Variants in TCF12 observed in about 807,000 individuals in gnomAD.
The protein encoded by TCF12 is transcription factor 12.
Under a neutral mutation model 86.0 loss-of-function variants are expected in TCF12, and 45 were observed. That is an observed-to-expected ratio of 0.52 (90% CI 0.41 to 0.67). TCF12 has a LOEUF of 0.67. TCF12 is among the 30% of genes least tolerant of loss of function. The pLI is 0.00. For synonymous variants in TCF12, 330 were observed against 299.6 expected (o/e 1.10, Z -1.05); for missense variants, 881 against 859.9 (o/e 1.02, Z -0.31).
At chr15:57,056,116 GGTGTGT>G (rs137934114) in intron 3 of TCF12, among the ~76,000 whole-genome samples, 6,019 of 143,136 alleles carry the variant, frequency 0.042, 351 homozygotes, top group Admixed American at 0.17. Flanking sequence ...TAGTTTTAGG[GGTGTGT>G]GTGTGTGTGT....
At chr15:57,069,092 C>G (rs2069149514) in intron 4 of TCF12, among the ~76,000 whole-genome samples, 1 of 152,112 alleles carries the variant, frequency 6.6e-6, no homozygotes, top group African/African-American at 2.4e-5. Context: ...GTTAGCCAAC[C>G]TACGCCAAGC....
intron 5 of TCF12, among the ~76,000 whole-genome samples, chr15:57,117,251 G>T (rs12900038): frequency 0.35 from 53,701 of 151,744 alleles, 11,881 homozygotes; most frequent in Non-Finnish European, 0.49. Context: ...TCACTAGGTT[G>T]CCCAGGTTGG....
intron 5 of TCF12, among the ~76,000 whole-genome samples, chr15:57,158,266 C>T (rs1396003220): frequency 6.6e-6 from 1 of 150,574 alleles, no homozygotes; most frequent in Non-Finnish European, 1.5e-5. Flanking sequence ...GCAGCCTCGA[C>T]TTCCTGGGCT....
At chr15:57,125,492 C>T (rs1041892075) in intron 5 of TCF12, among the ~76,000 whole-genome samples, 3 of 152,172 alleles carry the variant, frequency 2.0e-5, no homozygotes. Context: ...TGATGAGACT[C>T]ATGAAATAAA....
chr15:57,082,432 A>G (rs981640012), intron 4 of TCF12, among the ~76,000 whole-genome samples: 1 of 152,186 alleles, frequency 6.6e-6, no homozygotes, highest in East Asian at 1.9e-4. Flanking sequence ...ACTTAAGATG[A>G]ACCGAAGAGG....
chr15:56,941,373 A>AAT (rs2060764916), intron 3 of TCF12, among the ~76,000 whole-genome samples: 3 of 143,148 alleles, frequency 2.1e-5, no homozygotes, highest in South Asian at 2.3e-4. Flanking sequence ...TCTCAAAAAA[A>AAT]TTTTTTTTTT....
At position 57,263,134 on chromosome 15, in the gene TCF12, A is replaced by T; in HGVS notation, c.1605A>T (p.Gly535=). The stretch of plus-strand genomic sequence containing the variant: ...TAGGTGGCTTGCAAAGTCAGTCTGG[A>T]ACTGTTGTTACAACAGAAATCAAGA... ...NYRGGLQSQS[G]TVVTTEIKTE... Residue 535 remains glycine, a synonymous_variant, in exon 18 of 21, where the codon GGA becomes GGT. Transcript: ENST00000333725. 1 of 1,610,578 alleles carries T rather than the reference A, an allele frequency of 6.2e-7. No individual in the cohort carries two copies. Among genetic ancestry groups the T allele is most frequent in the Non-Finnish European group, 8.5e-7 (1 of 1,179,170 alleles).
At chr15:56,980,113 T>G (rs1346484453) in intron 3 of TCF12, among the ~76,000 whole-genome samples, 2 of 152,086 alleles carry the variant, frequency 1.3e-5, no homozygotes, top group Non-Finnish European at 2.9e-5. Context: ...AATCCCAACA[T>G]TTTGGGAGGC....
chr15:57,202,729 C>T (rs1289068041), intron 8 of TCF12, among the ~76,000 whole-genome samples: 1 of 149,722 alleles, frequency 6.7e-6, no homozygotes, highest in African/African-American at 2.5e-5. Flanking sequence ...GCCACCACAC[C>T]CGGTCTGCCC....
intron 12 of TCF12, among the ~76,000 whole-genome samples, chr15:57,237,146 A>AGTGTGTGT (rs202142819): frequency 7.6e-4 from 115 of 150,372 alleles, no homozygotes; most frequent in Middle Eastern, 3.5e-3. Context: ...AGAGAGAGAG[A>AGTGTGTGT]GAGTGTGTGT....
chr15:57,141,001 G>A (rs1245029831), intron 5 of TCF12, among the ~76,000 whole-genome samples: 2 of 151,978 alleles, frequency 1.3e-5, no homozygotes, highest in African/African-American at 4.8e-5. Context: ...ATCTCTGGTA[G>A]GTCTTTATGA....
At chr15:57,007,852 CCCTTCCTTCCTTCCTTCCTT>C (rs60825721) in intron 3 of TCF12, among the ~76,000 whole-genome samples, 11,824 of 101,160 alleles carry the variant, frequency 0.12, 783 homozygotes, top group African/African-American at 0.15. Flanking sequence ...CTCTTTCCCT[CCCTTCCTTCCTTCCTTCCTT>C]CCTTCCTTCC....
intron 4 of TCF12, among the ~76,000 whole-genome samples, chr15:57,076,638 CAAA>C (rs201622891): frequency 1.7e-5 from 2 of 118,798 alleles, no homozygotes; most frequent in Non-Finnish European, 1.8e-5. Flanking sequence ...GGCTCTGTCT[CAAA>C]AAAAAAAAAA....
At chr15:57,290,341 CAAAAA>C (rs149851542), downstream of TCF12, among the ~76,000 whole-genome samples, 5 of 103,086 alleles carry the variant, frequency 4.9e-5, no homozygotes, top group Admixed American at 1.0e-4. Context: ...AAAACTGTCT[CAAAAA>C]AAAAAAAAAA....
At chr15:57,182,500 A>G (rs980319230) in intron 6 of TCF12, among the ~76,000 whole-genome samples, 13 of 152,082 alleles carry the variant, frequency 8.5e-5, no homozygotes, top group African/African-American at 2.9e-4. Flanking sequence ...AATTAACAGG[A>G]TAAAATATGG....
chr15:56,980,010 G>A (rs536588731), intron 3 of TCF12, among the ~76,000 whole-genome samples: 40 of 152,250 alleles, frequency 2.6e-4, no homozygotes, highest in Middle Eastern at 6.8e-3. Context: ...AGCTATTATA[G>A]ATTTATATCC....
At chr15:57,171,211 T>A (rs1411523975) in intron 6 of TCF12, among the ~76,000 whole-genome samples, 1 of 151,768 alleles carries the variant, frequency 6.6e-6, no homozygotes, top group Admixed American at 6.6e-5. Flanking sequence ...TTTAAAGATA[T>A]TCAGATGAGA....
At chr15:57,177,608 CAGAGAGAGAG>C (rs11270421) in intron 6 of TCF12, among the ~76,000 whole-genome samples, 19 of 122,962 alleles carry the variant, frequency 1.5e-4, no homozygotes, top group African/African-American at 5.6e-4. Flanking sequence ...GTTAAAAGGC[CAGAGAGAGAG>C]AGAGAGAGAG....
chr15:57,197,893 T>C, intron 8 of TCF12, 68 bp downstream of exon 8: 1 of 1,501,496 alleles, frequency 6.7e-7, no homozygotes, highest in Non-Finnish European at 9.2e-7. Context: ...ATTACCTTGC[T>C]ACAAGGGTAC....
Sources: gnomAD v4.1 joint callset for allele counts (sites outside exome capture counted in the v4.1 genomes callset) on GRCh38, gnomAD v4.1.1 for gene constraint, MANE v1.5 for transcripts, NCBI Gene and HGNC (gene_info 2026-07-23, HGNC 2026-07-21) for gene names.